Variants in PLXNC1 observed in about 807,000 individuals in gnomAD.
PLXNC1 encodes the protein plexin-C1.
PLXNC1 carries 75 observed loss-of-function variants against 178.2 expected under a neutral mutation model. That is an observed-to-expected ratio of 0.42 (90% CI 0.35 to 0.51). PLXNC1 has a LOEUF of 0.51. Among genes scored for constraint, PLXNC1 ranks in the 20% least tolerant of loss-of-function variants. The pLI, the probability that PLXNC1 is intolerant of heterozygous loss-of-function variation, is 0.02. For missense variants in PLXNC1, 1,503 were observed against 1,984.4 expected (o/e 0.76, Z 4.61); for synonymous variants, 790 against 779.9 (o/e 1.01, Z -0.22).
intron 21 of PLXNC1, among the ~76,000 whole-genome samples, chr12:94,268,995 G>GT (rs1965417288): frequency 6.6e-6 from 1 of 152,132 alleles, no homozygotes; most frequent in Admixed American, 6.5e-5. Flanking sequence ...CTCAGCTTAC[G>GT]TTTTGTCAAG....
chr12:94,186,301 T>G, intron 3 of PLXNC1, 72 bp from the exon 4 acceptor site: 2 of 1,076,040 alleles, frequency 1.9e-6, no homozygotes, highest in East Asian at 2.4e-5. Flanking sequence ...TGGCCCTTCA[T>G]TAGATAAGGT....
intron 21 of PLXNC1, among the ~76,000 whole-genome samples, chr12:94,278,747 T>C (rs1046670707): frequency 9.2e-5 from 14 of 152,084 alleles, no homozygotes; most frequent in Non-Finnish European, 2.1e-4. Context: ...CCTGTAATCC[T>C]AGCACTTTGG....
intron 1 of PLXNC1, among the ~76,000 whole-genome samples, chr12:94,156,086 A>G (rs918292972): frequency 1.8e-4 from 28 of 152,178 alleles, no homozygotes; most frequent in African/African-American, 6.8e-4. Flanking sequence ...TCTGTGCCTC[A>G]GTTTCTTATC....
chr12:94,214,999 C>T (rs911151401), intron 5 of PLXNC1, among the ~76,000 whole-genome samples: 27 of 152,114 alleles, frequency 1.8e-4, no homozygotes, highest in African/African-American at 4.6e-4. Flanking sequence ...CGGGTTCAAG[C>T]GATTCTCCTG....
At chr12:94,287,223 T>C (rs779053904) in intron 23 of PLXNC1, among the ~76,000 whole-genome samples, 1 of 152,242 alleles carries the variant, frequency 6.6e-6, no homozygotes, top group African/African-American at 2.4e-5. Context: ...TCTTTACACA[T>C]GAAGCCAGAG....
intron 6 of PLXNC1, among the ~76,000 whole-genome samples, chr12:94,222,657 A>G (rs1963828536): frequency 6.6e-6 from 1 of 152,174 alleles, no homozygotes; most frequent in Admixed American, 6.5e-5. Context: ...TCCTAGAAGA[A>G]ATCATGAATA....
At chr12:94,151,799 G>A (rs1443075587) in intron 1 of PLXNC1, among the ~76,000 whole-genome samples, 2 of 152,198 alleles carry the variant, frequency 1.3e-5, no homozygotes, top group African/African-American at 4.8e-5. Context: ...GGTCCTGGAA[G>A]ACTCAGTTCC....
At position 94,215,556 on chromosome 12, in the gene PLXNC1, TGATAGATAGATA is replaced by T. The variant is rs3032367; in HGVS notation, c.1555-4435_1555-4424del. 1.2e-3 allele frequency among the ~76,000 whole-genome samples: 185 copies of T among 149,334 alleles called. 2 individuals carry two copies. The highest frequency in any genetic ancestry group is 4.3e-3 in the African/African-American group (173 of 40,698). ...ACTCCCATTAGATTGCAAACATAGA[TGATAGATAGATA>T]GATAGATAGATAGATAGATAGATAT... On this transcript the variant is annotated intron_variant, in intron 5 of 30. Transcript: ENST00000258526.
At chr12:94,160,109 A>G (rs2135927878) in intron 1 of PLXNC1, among the ~76,000 whole-genome samples, 1 of 152,272 alleles carries the variant, frequency 6.6e-6, no homozygotes, top group Middle Eastern at 3.4e-3. Context: ...GATCCACTCT[A>G]TAAACCTTAG....
At chr12:94,243,283 G>A (rs1251897541) in intron 11 of PLXNC1, among the ~76,000 whole-genome samples, 5 of 152,252 alleles carry the variant, frequency 3.3e-5, no homozygotes, top group African/African-American at 4.8e-5. Flanking sequence ...GGTGACCTAC[G>A]TGAACAGGGG....
At position 94,199,564 on chromosome 12, in the gene PLXNC1, G is replaced by A. The variant is rs916850311; in HGVS notation, c.1440-10026G>A. Among the ~76,000 whole-genome samples, 6 of 152,166 alleles carry A rather than the reference G, an allele frequency of 3.9e-5. No homozygotes were observed. The East Asian group carries it at 1.2e-3, about 29-fold the overall frequency. On this transcript the variant is annotated intron_variant, in intron 4 of 30. Transcript: ENST00000258526. ...ACTGTGAATGCTGGAAGGGATTTGG[G>A]GGGCTTTCCAACACCAGAAGGGGTC...
chr12:94,186,114 T>C lies in PLXNC1; in HGVS notation c.1339-259T>C, dbSNP rs897679278. The C allele has an allele frequency of 7.1e-5, 25 of 349,976 alleles. 1 individual carries two copies. Among genetic ancestry groups the C allele is most frequent in the Admixed American group, 3.1e-4 (8 of 25,554 alleles). The allele number at this position is 349,976 out of a possible 1,614,324, so 21.7% of individuals were successfully genotyped here. A position where few individuals can be genotyped will look rare whatever the true frequency, so the allele number is the denominator to read the frequency against. On this transcript the variant is annotated intron_variant, in intron 3 of 30. Transcript: ENST00000258526. ...AATCTTTTAAATGAAAAAATACAAC[T>C]TCCTAGGCTCTGCCCCCAGACTTAG...
At chr12:94,198,511 G>GA (rs987911099) in intron 4 of PLXNC1, among the ~76,000 whole-genome samples, 16 of 150,638 alleles carry the variant, frequency 1.1e-4, no homozygotes, top group Admixed American at 4.0e-4. Context: ...AATAAAAATT[G>GA]AAAAAAAAAT....
chr12:94,295,208 G>A (rs1199252074), intron 24 of PLXNC1, among the ~76,000 whole-genome samples: 1 of 152,218 alleles, frequency 6.6e-6, no homozygotes, highest in African/African-American at 2.4e-5. Context: ...ACAGCCAGAG[G>A]TAGGGCTTCC....
chr12:94,192,102 GT>G (rs1457623503), intron 4 of PLXNC1, among the ~76,000 whole-genome samples: 46 of 152,278 alleles, frequency 3.0e-4, no homozygotes, highest in Admixed American at 1.6e-3. Context: ...TAGAAACAAT[GT>G]CATAAATTAA....
chr12:94,254,445 G>A, intron 15 of PLXNC1: 1 of 477,490 alleles, frequency 2.1e-6, no homozygotes, highest in Middle Eastern at 3.2e-4. Flanking sequence ...CTGCAGCTGT[G>A]GGGAAGAAAC....
intron 5 of PLXNC1, among the ~76,000 whole-genome samples, chr12:94,218,334 A>C (rs1482008829): frequency 6.6e-6 from 1 of 152,188 alleles, no homozygotes; most frequent in Non-Finnish European, 1.5e-5. Flanking sequence ...CGGGGACTAG[A>C]TTAGACTTAG....
At position 94,248,088 on chromosome 12, in the gene PLXNC1, A is replaced by G; in HGVS notation, c.2574A>G (p.Glu858=). ...GYRVESEVDT[E]LEVKIQKEND... ...GGGTGGAATCCGAGGTGGACACAGAACTGGAAGTGAAAATTCAAGTATGTT... is the reference window on the plus strand; with the variant it reads ...GGGTGGAATCCGAGGTGGACACAGAGCTGGAAGTGAAAATTCAAGTATGTT... Residue 858 remains glutamate (E), a synonymous_variant, in exon 13 of 31, where the codon GAA becomes GAG. Transcript: ENST00000258526. 6.2e-7 allele frequency: 1 copy of G among 1,614,100 alleles called. No individual in the cohort carries two copies. Among genetic ancestry groups the G allele is most frequent in the Non-Finnish European group, 8.5e-7 (1 of 1,179,968 alleles).
chr12:94,205,399 A>G (rs769897665), intron 4 of PLXNC1, among the ~76,000 whole-genome samples: 3 of 152,246 alleles, frequency 2.0e-5, no homozygotes, highest in Non-Finnish European at 4.4e-5. Flanking sequence ...AAATGGCTGC[A>G]ATCTCATTGT....
Sources: gnomAD v4.1 joint callset for allele counts (sites outside exome capture counted in the v4.1 genomes callset) on GRCh38, gnomAD v4.1.1 for gene constraint, MANE v1.5 for transcripts, NCBI Gene and HGNC (gene_info 2026-07-23, HGNC 2026-07-21) for gene names.